DIPK1A: variants seen among roughly 807,000 people sequenced by gnomAD.
The protein encoded by DIPK1A is divergent protein kinase domain 1A.
DIPK1A carries 27 observed loss-of-function variants against 40.8 expected under a neutral mutation model. The ratio of observed to expected loss-of-function variants is 0.66; its 90% CI spans 0.49 to 0.91. The LOEUF is 0.91. DIPK1A is among the 40% of genes least tolerant of loss of function. The pLI is 0.00. For missense variants in DIPK1A, 412 were observed against 505.7 expected (o/e 0.81, Z 1.78); for synonymous variants, 166 against 171.3 (o/e 0.97, Z 0.24).
rs1474481128 is a variant in DIPK1A, at chr1:92,849,868, T to TA, written c.297+979dup. Among the ~76,000 whole-genome samples, 6 of 152,202 alleles carry TA rather than the reference T, an allele frequency of 3.9e-5. No individual in the cohort carries two copies. In the East Asian group the frequency reaches 1.2e-3, roughly 29 times the overall value. ...ACAGGGTTTTGCTATGTTGCTCAGG[T>TA]AGGCCTCAAACTCCTGGACTAAAGC... On this transcript the variant is annotated intron_variant, in intron 3 of 4. Transcript: ENST00000370310.
At position 92,833,940 on chromosome 1, in the gene DIPK1A, C is replaced by A. The variant is rs1687016021; in HGVS notation, c.475-906G>T. 7.4e-6 allele frequency: 3 copies of A among 407,254 alleles called. No individual in the cohort carries two copies. In the East Asian group the frequency reaches 1.6e-4, roughly 21 times the overall value. 25.2% of individuals were successfully genotyped at this position (407,254 alleles called of 1,614,324 possible). ...GGGCAATATAGTGAGAGTTTGTCTT[C>A]ACAAAAAATGTAAGAAAATTAGCTG... On this transcript the variant is annotated intron_variant, in intron 4 of 4. Transcript: ENST00000615519.
At chr1:92,925,272 T>C (rs1351232231) in intron 1 of DIPK1A, among the ~76,000 whole-genome samples, 8 of 152,200 alleles carry the variant, frequency 5.3e-5, no homozygotes, top group Admixed American at 5.2e-4. Flanking sequence ...CTTTACTAGA[T>C]TTTAGTATCT....
downstream of DIPK1A, among the ~76,000 whole-genome samples, chr1:92,839,712 G>T (rs545009901): frequency 6.6e-6 from 1 of 152,294 alleles, no homozygotes; most frequent in East Asian, 1.9e-4. Flanking sequence ...TTGAATGAAA[G>T]AATCTAGGTC....
intron 2 of DIPK1A, among the ~76,000 whole-genome samples, chr1:92,872,942 G>A (rs994406437): frequency 3.9e-5 from 6 of 152,142 alleles, no homozygotes; most frequent in African/African-American, 7.2e-5. Context: ...ATCCCAACAG[G>A]ATAACTGGCT....
rs1226791883 is a variant in DIPK1A at position 92,846,914 on chromosome 1, T to C, written c.474+269A>G. The stretch of plus-strand genomic sequence containing the variant: ...ACACGTATATATATATATACGTGTA[T>C]ATATATATATATATAGCTGAGGTCT... On this transcript the variant is annotated intron_variant, in intron 4 of 4. Transcript: ENST00000370310. Among the ~76,000 whole-genome samples the C allele has an allele frequency of 1.0e-3, 32 of 31,502 alleles. 3 individuals are homozygous for C. The highest frequency in any genetic ancestry group is 1.9e-3 in the Non-Finnish European group (28 of 14,910). 20.7% of individuals were successfully genotyped at this position (31,502 alleles called of 152,430 possible).
At chr1:92,845,070 G>A (rs1687534922) in intron 4 of DIPK1A, among the ~76,000 whole-genome samples, 1 of 148,664 alleles carries the variant, frequency 6.7e-6, no homozygotes, top group Admixed American at 6.7e-5. Context: ...TCACCCTCCC[G>A]AGCAGCTGGG....
chr1:92,945,308 A>G (rs1041956417), intron 1 of DIPK1A, among the ~76,000 whole-genome samples: 1 of 152,184 alleles, frequency 6.6e-6, no homozygotes, highest in African/African-American at 2.4e-5. Context: ...AAAGGAAGGA[A>G]AAAAGACAAA....
chr1:92,860,254 T>C (rs1448648576), intron 2 of DIPK1A, among the ~76,000 whole-genome samples: 2 of 152,180 alleles, frequency 1.3e-5, no homozygotes, highest in Non-Finnish European at 2.9e-5. Context: ...GGAGGGCTGA[T>C]GAAAACACAG....
At chr1:92,840,911 T>C, downstream of DIPK1A, 1 of 557,016 alleles carries the variant, frequency 1.8e-6, no homozygotes, top group South Asian at 1.5e-5. Flanking sequence ...TGATCTTTCA[T>C]GTTTTGATCT....
At chr1:92,925,043 T>G (rs1290849820) in intron 1 of DIPK1A, among the ~76,000 whole-genome samples, 3 of 152,370 alleles carry the variant, frequency 2.0e-5, no homozygotes, top group African/African-American at 7.2e-5. Flanking sequence ...AAATGCTTTT[T>G]CTGTGTCTAT....
At chr1:92,894,759 T>A (rs1000780660) in intron 1 of DIPK1A, among the ~76,000 whole-genome samples, 5 of 151,848 alleles carry the variant, frequency 3.3e-5, no homozygotes, top group African/African-American at 4.8e-5. Flanking sequence ...ACCGCTAGCT[T>A]GACTAATAAA....
chr1:92,840,950 G>A, downstream of DIPK1A: 1 of 465,924 alleles, frequency 2.1e-6, no homozygotes, highest in Non-Finnish European at 4.1e-6. Flanking sequence ...AATACTTAAT[G>A]AACATGTAAG....
chr1:92,901,769 G>C (rs555129767), intron 1 of DIPK1A, among the ~76,000 whole-genome samples: 18 of 152,252 alleles, frequency 1.2e-4, no homozygotes, highest in Non-Finnish European at 2.4e-4. Flanking sequence ...TTTGGGCCCT[G>C]GGAGGCAGGG....
Position 92,847,188 on chromosome 1 carries a change from A to C in DIPK1A, c.469T>G (p.Phe157Val). 6.5e-7 allele frequency: 1 copy of C among 1,541,978 alleles called. No individual in the cohort carries two copies. Among genetic ancestry groups the C allele is most frequent in the Non-Finnish European group, 8.8e-7 (1 of 1,142,308 alleles). ...ATATGAATGGGTATGCTTACCTTAA[A>C]GAGACTATAGACCATTTCTTTAAAT... ...QKFKEMVYSL[F>V]KAKLGDQGNL... The change falls in exon 4 of 5, where the codon TTT becomes GTT. Residue 157 changes from phenylalanine (F) to valine (V), a missense_variant. By Grantham distance (50) the Phe-to-Val change is conservative (BLOSUM62 -1). Transcript: ENST00000370310.
intron 1 of DIPK1A, among the ~76,000 whole-genome samples, chr1:92,925,289 T>C (rs1315273964): frequency 1.3e-5 from 2 of 152,220 alleles, no homozygotes; most frequent in African/African-American, 2.4e-5. Flanking sequence ...ATCTGAATTA[T>C]ACTAGCCTCA....
chr1:92,902,712 C>T (rs1408920542), intron 1 of DIPK1A, among the ~76,000 whole-genome samples: 1 of 152,170 alleles, frequency 6.6e-6, no homozygotes. Flanking sequence ...TGGTTTCCAG[C>T]TGATCCTGAT....
exon 5 of DIPK1A, chr1:92,832,916 T>C (rs1204201992): frequency 4.4e-6 from 3 of 676,062 alleles, no homozygotes; most frequent in South Asian, 1.6e-5. Flanking sequence ...TAGTTGTTAT[T>C]TGAGGCTAGG....
intron 1 of DIPK1A, among the ~76,000 whole-genome samples, chr1:92,958,431 G>T (rs958179804): frequency 5.9e-5 from 9 of 152,118 alleles, no homozygotes; most frequent in African/African-American, 2.2e-4. Flanking sequence ...AAGACAAACA[G>T]CATAACTGCA....
intron 1 of DIPK1A, among the ~76,000 whole-genome samples, chr1:92,882,837 C>T (rs1648439026): frequency 2.0e-5 from 3 of 152,172 alleles, no homozygotes; most frequent in Non-Finnish European, 2.9e-5. Context: ...GTGTATCCCA[C>T]ATATTATATA....
Sources: allele counts gnomAD v4.1 joint callset (sites outside exome capture counted in the v4.1 genomes callset), GRCh38; gene constraint gnomAD v4.1.1; transcripts MANE v1.5; gene names NCBI Gene and HGNC (gene_info 2026-07-23, HGNC 2026-07-21).